The following RAMP3 variants were observed in gnomAD, a reference collection of about 807,000 sequenced individuals.
The protein encoded by RAMP3 is receptor activity-modifying protein 3.
RAMP3 carries 14 observed loss-of-function variants against 13.5 expected under a neutral mutation model. The observed-to-expected ratio is 1.04, with a 90% CI of 0.69 to 1.63. The LOEUF is 1.63. RAMP3 is among the 40% of genes most tolerant of loss of function. The probability of loss-of-function intolerance (pLI) is 0.00; values close to 1 mark genes in which losing one functional copy is unlikely to be tolerated. For missense variants in RAMP3, 200 were observed against 204.8 expected, an observed-to-expected ratio of 0.98 and a Z score of 0.14; for synonymous variants, 106 against 88.3, an observed-to-expected ratio of 1.20 and a Z score of -1.12.
At chr7:45,173,205 G>A (rs1786114002) in intron 1 of RAMP3, among the ~76,000 whole-genome samples, 1 of 152,174 alleles carries the variant, frequency 6.6e-6, no homozygotes, top group Non-Finnish European at 1.5e-5. Context: ...TTTTATGAAT[G>A]TATGGTTTAT....
At chr7:45,177,047 T>C (rs1294941) in intron 1 of RAMP3, among the ~76,000 whole-genome samples, 59,401 of 152,178 alleles carry the variant, frequency 0.39, 13,492 homozygotes, top group Admixed American at 0.5. Flanking sequence ...CACTGCCTGA[T>C]CCCTGCCTGT....
Position 45,166,913 on chromosome 7 carries a change from A to G in RAMP3, c.58+9027A>G, listed in dbSNP as rs144486973. ...GCCTCAGCCTCCCGAATAGCTGGGT[A>G]ATCTAAGAGTTTTATAATTTAGCTC... is the stretch of plus-strand genomic sequence containing the variant. On this transcript the variant is annotated intron_variant, in intron 1 of 2. Transcript: ENST00000242249. Among the ~76,000 whole-genome samples, 851 of 146,522 alleles carry G rather than the reference A, an allele frequency of 5.8e-3. 13 individuals are homozygous for G. The highest frequency in any genetic ancestry group is 0.02 in the African/African-American group (794 of 38,788).
At chr7:45,170,324 C>A (rs1786055808) in intron 1 of RAMP3, among the ~76,000 whole-genome samples, 1 of 149,272 alleles carries the variant, frequency 6.7e-6, no homozygotes, top group African/African-American at 2.4e-5. Flanking sequence ...GATCTTTCTT[C>A]TTTATTATTT....
At chr7:45,173,801 T>A (rs1460421256) in intron 1 of RAMP3, among the ~76,000 whole-genome samples, 2 of 152,196 alleles carry the variant, frequency 1.3e-5, no homozygotes, top group Non-Finnish European at 2.9e-5. Flanking sequence ...CCTTGGGGAC[T>A]GTCAGCAGCT....
chr7:45,170,481 G>A (rs1191273705), intron 1 of RAMP3, among the ~76,000 whole-genome samples: 1 of 151,990 alleles, frequency 6.6e-6, no homozygotes, highest in Non-Finnish European at 1.5e-5. Flanking sequence ...AGGACTACAG[G>A]TGCATGCCAC....
In RAMP3 at chr7:45,177,368, T is replaced by C; in HGVS notation, c.118T>C (p.Cys40Arg). ...AGGCATGTTGGAGAGGCTGCCCCTG[T>C]GTGGGAAGGCTTTCGCAGACATGAT... Reference protein sequence around the residue: ...ETGMLERLPLCGKAFADMMGK... With the variant: ...ETGMLERLPLRGKAFADMMGK... The change falls in exon 2 of 3, where the codon TGT becomes CGT. Residue 40 changes from cysteine (C) to arginine (R), a missense_variant. By Grantham distance (180) the Cys-to-Arg change is radical. Coordinates refer to ENST00000242249, the MANE Select transcript of RAMP3 (RefSeq NM_005856.3). 6.2e-7 allele frequency: 1 copy of C among 1,614,098 alleles called. No homozygotes were observed. The highest frequency in any genetic ancestry group is 8.5e-7 in the Non-Finnish European group (1 of 1,179,976).
At chr7:45,166,223 G>A (rs965505812) in intron 1 of RAMP3, among the ~76,000 whole-genome samples, 1 of 150,258 alleles carries the variant, frequency 6.7e-6, no homozygotes, top group African/African-American at 2.4e-5. Flanking sequence ...TGCCCAGTCT[G>A]GAGTGCAGTG....
At chr7:45,179,625 G>A (rs1284575526) in intron 2 of RAMP3, among the ~76,000 whole-genome samples, 1 of 152,222 alleles carries the variant, frequency 6.6e-6, no homozygotes, top group Non-Finnish European at 1.5e-5. Context: ...AATCTCCCAG[G>A]AATAGGAGAG....
intron 1 of RAMP3, among the ~76,000 whole-genome samples, chr7:45,172,631 T>C (rs1786104890): frequency 6.6e-6 from 1 of 152,178 alleles, no homozygotes; most frequent in Non-Finnish European, 1.5e-5. Flanking sequence ...GCACGCCTCC[T>C]TGTCTGGCTA....
At chr7:45,169,718 C>T (rs1195759851) in intron 1 of RAMP3, among the ~76,000 whole-genome samples, 1 of 152,178 alleles carries the variant, frequency 6.6e-6, no homozygotes, top group Non-Finnish European at 1.5e-5. Flanking sequence ...GTCTTCACCT[C>T]ATCTTCTTTC....
intron 1 of RAMP3, among the ~76,000 whole-genome samples, chr7:45,172,028 C>T (rs1786093016): frequency 6.6e-6 from 1 of 152,204 alleles, no homozygotes; most frequent in Admixed American, 6.5e-5. Flanking sequence ...CATTGTGGAG[C>T]CTCCACCCTA....
intron 1 of RAMP3, among the ~76,000 whole-genome samples, chr7:45,165,218 A>T (rs1194803581): frequency 2.0e-5 from 3 of 152,184 alleles, no homozygotes; most frequent in African/African-American, 7.2e-5. Context: ...ACACTGATTC[A>T]TGGATAGCCT....
chr7:45,167,194 T>C (rs1413489200), intron 1 of RAMP3, among the ~76,000 whole-genome samples: 1 of 152,148 alleles, frequency 6.6e-6, no homozygotes, highest in East Asian at 1.9e-4. Flanking sequence ...CCTGACCTCG[T>C]GATCTGCCTG....
intron 1 of RAMP3, among the ~76,000 whole-genome samples, chr7:45,176,387 TACACACACAC>T (rs57539624): frequency 3.4e-5 from 5 of 147,638 alleles, no homozygotes; most frequent in African/African-American, 7.5e-5. Context: ...GCTGTGTACC[TACACACACAC>T]ACACACACAC....
chr7:45,174,373 G>T (rs1368968329), intron 1 of RAMP3, among the ~76,000 whole-genome samples: 1 of 152,190 alleles, frequency 6.6e-6, no homozygotes, highest in Non-Finnish European at 1.5e-5. Flanking sequence ...AAGCCCTCAT[G>T]TGTGCGGCTG....
chr7:45,158,201 G>T lies in RAMP3; in HGVS notation c.58+315G>T, dbSNP rs928137636. On this transcript the variant is annotated intron_variant, in intron 1 of 2. Coordinates refer to ENST00000242249, the MANE Select transcript of RAMP3 (RefSeq NM_005856.3). The stretch of plus-strand genomic sequence containing the variant: ...CGCCCCGGTTCTGGGGTCGCCTCAG[G>T]GTGGGCGAGAAGAGGTGGACCAGGT... Among the ~76,000 whole-genome samples, 16 of 152,372 alleles carry T rather than the reference G, an allele frequency of 1.1e-4. 1 individual carries two copies. Among genetic ancestry groups the T allele is most frequent in the African/African-American group, 3.8e-4 (16 of 41,594 alleles).
At chr7:45,181,006 C>A (rs1786298269) in intron 2 of RAMP3, among the ~76,000 whole-genome samples, 1 of 152,262 alleles carries the variant, frequency 6.6e-6, no homozygotes, top group Non-Finnish European at 1.5e-5. Flanking sequence ...CTGTGCTCAG[C>A]TCTGCCCCAA....
chr7:45,169,132 T>C (rs1256108329), intron 1 of RAMP3, among the ~76,000 whole-genome samples: 1 of 152,204 alleles, frequency 6.6e-6, no homozygotes, highest in Non-Finnish European at 1.5e-5. Flanking sequence ...ACCTTCTTGG[T>C]CATGGTGTAT....
At chr7:45,161,557 G>A (rs564152864) in intron 1 of RAMP3, among the ~76,000 whole-genome samples, 2 of 152,118 alleles carry the variant, frequency 1.3e-5, no homozygotes, top group South Asian at 2.1e-4. Context: ...GGGCTGGGGA[G>A]GAGAAGGCAG....
Sources: gnomAD v4.1 joint callset for allele counts (sites outside exome capture counted in the v4.1 genomes callset) on GRCh38, gnomAD v4.1.1 for gene constraint, MANE v1.5 for transcripts, NCBI Gene and HGNC (gene_info 2026-07-23, HGNC 2026-07-21) for gene names.